Variants in NFATC1 observed in about 807,000 individuals in gnomAD.
NFATC1 encodes the protein nuclear factor of activated T cells 1, also known as nuclear factor of activated T-cells, cytoplasmic 1.
A neutral mutation model predicts 76.0 loss-of-function variants in NFATC1; 22 were observed. The ratio of observed to expected loss-of-function variants is 0.29; its 90% CI spans 0.21 to 0.41. The LOEUF (loss-of-function observed/expected upper bound fraction) is 0.41, where lower values mean the gene tolerates loss of function less well. NFATC1 is among the 10% of genes least tolerant of loss of function. NFATC1 has a pLI of 1.00. For synonymous variants in NFATC1, 704 were observed against 613.1 expected (o/e 1.15, Z -2.19); for missense variants, 1,357 against 1,337.7 (o/e 1.01, Z -0.23).
rs2085666330 is a variant in NFATC1, at chr18:79,411,258, G to A, written c.983G>A (p.Gly328Glu). The change falls in exon 2 of 10, where the codon GGA becomes GAA. Residue 328 changes from glycine to glutamate, a missense_variant. Coordinates refer to ENST00000427363, the MANE Select transcript of NFATC1 (RefSeq NM_001278669.2). The part of the protein sequence containing the change: ...ALTTDSSLDL[G>E]DGVPVKSRKT... ...ACCACCGACAGCAGCCTGGACCTGG[G>A]AGATGGCGTCCCTGTCAAGTCCCGC... The A allele has an allele frequency of 6.2e-7, 1 of 1,603,164 alleles. No homozygotes were observed. Among genetic ancestry groups the A allele is most frequent in the South Asian group, 1.1e-5 (1 of 91,064 alleles).
At chr18:79,427,704 G>GT (rs1568948725) in intron 2 of NFATC1, among the ~76,000 whole-genome samples, 2 of 100,176 alleles carry the variant, frequency 2.0e-5, no homozygotes, top group Non-Finnish European at 4.2e-5. Flanking sequence ...CTGTGCAGTG[G>GT]GTGGGGTTGG....
At chr18:79,420,523 G>A (rs562855531) in intron 2 of NFATC1, among the ~76,000 whole-genome samples, 2 of 151,540 alleles carry the variant, frequency 1.3e-5, no homozygotes, top group South Asian at 4.2e-4. Flanking sequence ...ATTTCCAGGC[G>A]AGGTCACTGC....
intron 8 of NFATC1, among the ~76,000 whole-genome samples, chr18:79,471,553 G>A (rs1349755957): frequency 1.3e-5 from 2 of 152,206 alleles, no homozygotes; most frequent in Non-Finnish European, 2.9e-5. Context: ...CTGAGCTGGG[G>A]ACACGGAGCT....
At position 79,479,839 on chromosome 18, in the gene NFATC1, G is replaced by T. The variant is rs539770756; in HGVS notation, c.2093-6409G>T. Among the ~76,000 whole-genome samples the T allele has an allele frequency of 2.4e-3, 372 of 152,378 alleles. 1 individual carries two copies. The highest frequency in any genetic ancestry group is 8.5e-3 in the African/African-American group (353 of 41,596). On this transcript the variant is annotated intron_variant, in intron 8 of 9. Transcript: ENST00000427363. The stretch of plus-strand genomic sequence containing the variant: ...AGGGCAAGGACAGGGAGATGGGGCA[G>T]TCGCCTGGGGAAGGCCCGGTCCCGG...
chr18:79,467,089 T>C (rs1362109103), intron 7 of NFATC1, among the ~76,000 whole-genome samples: 1 of 152,174 alleles, frequency 6.6e-6, no homozygotes, highest in East Asian at 1.9e-4. Context: ...AAGATTTCAG[T>C]CTTAGGTTGG....
rs757703183 is a variant in NFATC1, at chr18:79,410,103, C to T, written c.128-300C>T. 7 of 719,158 alleles carry T rather than the reference C, an allele frequency of 9.7e-6. No homozygotes were observed. The highest frequency in any genetic ancestry group is 7.0e-5 in the Admixed American group (4 of 57,302). 44.5% of individuals were successfully genotyped at this position (719,158 alleles called of 1,614,324 possible). ...TGGTTTTTGAATGAAGAGCGGAACCCGTGAGGACCCGGCCGCCTCTCCCTG... is the reference window on the plus strand; with the variant it reads ...TGGTTTTTGAATGAAGAGCGGAACCTGTGAGGACCCGGCCGCCTCTCCCTG... On this transcript the variant is annotated intron_variant, in intron 1 of 9. Transcript: ENST00000427363. This position sits in a 1 kb window ranked among gnomAD's most constrained non-coding sequence, Gnocchi z 6.7.
At chr18:79,519,564 T>C (rs1203387165) in intron 9 of NFATC1, among the ~76,000 whole-genome samples, 1 of 152,150 alleles carries the variant, frequency 6.6e-6, no homozygotes, top group East Asian at 1.9e-4. Flanking sequence ...GTCTTGAACT[T>C]TTGGCCTCAA....
intron 8 of NFATC1, among the ~76,000 whole-genome samples, chr18:79,472,975 A>G (rs909468503): frequency 1.9e-4 from 29 of 152,208 alleles, no homozygotes; most frequent in Admixed American, 1.6e-3. Context: ...CCCACACTCC[A>G]TGCCATGTCC....
intron 8 of NFATC1, among the ~76,000 whole-genome samples, chr18:79,476,766 T>C (rs544843048): frequency 1.3e-5 from 2 of 152,316 alleles, no homozygotes; most frequent in South Asian, 4.1e-4. Context: ...CCTGGACACA[T>C]GGCCAGGGTT....
intron 2 of NFATC1, among the ~76,000 whole-genome samples, chr18:79,426,016 G>A (rs150447097): frequency 1.5e-4 from 23 of 152,144 alleles, no homozygotes; most frequent in African/African-American, 4.1e-4. Flanking sequence ...GTTTGAGACC[G>A]CCCTGGGCAA....
At chr18:79,426,294 T>C (rs2086329761) in intron 2 of NFATC1, among the ~76,000 whole-genome samples, 1 of 138,124 alleles carries the variant, frequency 7.2e-6, no homozygotes. Context: ...GTCGCGAGCT[T>C]TCGGCTGAAA....
At chr18:79,521,075 GT>G in intron 9 of NFATC1, among the ~76,000 whole-genome samples, 1 of 112,830 alleles carries the variant, frequency 8.9e-6, no homozygotes. Context: ...CCATGTGTGT[GT>G]GGGGGCATCC....
chr18:79,419,187 CTAAT>C (rs1347459884), intron 2 of NFATC1, among the ~76,000 whole-genome samples: 2 of 152,102 alleles, frequency 1.3e-5, no homozygotes, highest in African/African-American at 4.8e-5. Flanking sequence ...CCACACCTGG[CTAAT>C]TGTTTAAGTT....
chr18:79,432,675 T>C (rs1568955085), intron 2 of NFATC1, among the ~76,000 whole-genome samples: 1 of 152,166 alleles, frequency 6.6e-6, no homozygotes, highest in Non-Finnish European at 1.5e-5. Flanking sequence ...AGGTGGTGCC[T>C]GCGTGGATGG....
At chr18:79,429,860 T>A (rs1005705593) in intron 2 of NFATC1, among the ~76,000 whole-genome samples, 1 of 152,206 alleles carries the variant, frequency 6.6e-6, no homozygotes, top group African/African-American at 2.4e-5. Context: ...CACCGCGGCG[T>A]CGGGTCAACG....
In NFATC1 at chr18:79,411,142, C is replaced by G. The variant is rs755428219; in HGVS notation, c.867C>G (p.Gly289=). 1.9e-6 allele frequency: 3 copies of G among 1,612,252 alleles called. No individual in the cohort carries two copies. The highest frequency in any genetic ancestry group is 2.7e-5 in the African/African-American group (2 of 74,902). Residue 289 remains glycine, a synonymous_variant, in exon 2 of 10, where the codon GGC becomes GGG. Transcript: ENST00000427363. Reference sequence around the variant, plus strand: ...ACTCGCCCACGCCGTCCCCGCACGGCTCCCCGCGGGTCAGCGTGACCGACG... The same window carrying G: ...ACTCGCCCACGCCGTCCCCGCACGGGTCCCCGCGGGTCAGCGTGACCGACG... ...PHHSPTPSPH[G]SPRVSVTDDS...
In NFATC1 at chr18:79,524,154, C is replaced by T. The variant is rs145996332; in HGVS notation, c.2783-3374C>T. On this transcript the variant is annotated intron_variant, in intron 9 of 9. Coordinates refer to ENST00000427363, the MANE Select transcript of NFATC1 (RefSeq NM_001278669.2). This position sits in a 1 kb window ranked among gnomAD's most constrained non-coding sequence, Gnocchi z 7.2. ...CCTCATGGGTCAGAAGTGCTCGTGG[C>T]GGGAAGGAGTTGGGGGGTGGGGGGG... 2 of 89,086 alleles carry T rather than the reference C, an allele frequency of 2.2e-5. No homozygotes were observed. Among genetic ancestry groups the T allele is most frequent in the East Asian group, 3.5e-4 (1 of 2,826 alleles). 5.5% of individuals were successfully genotyped at this position (89,086 alleles called of 1,614,324 possible).
chr18:79,474,008 ACT>A lies in NFATC1; in HGVS notation c.2092+6427_2092+6428del, dbSNP rs539468938. On this transcript the variant is annotated intron_variant, in intron 8 of 9. Coordinates refer to ENST00000427363, the MANE Select transcript of NFATC1 (RefSeq NM_001278669.2). The stretch of plus-strand genomic sequence containing the variant: ...TTGCGAGGGAAGCGTTTTCACACTC[ACT>A]GTCGACGTAAACCTGAGGGAAGCGT... Among the ~76,000 whole-genome samples, 36 of 126,792 alleles carry A rather than the reference ACT, an allele frequency of 2.8e-4. 2 individuals are homozygous for A. Among genetic ancestry groups the A allele is most frequent in the African/African-American group, 1.1e-3 (34 of 31,594 alleles). 83.2% of individuals were successfully genotyped at this position (126,792 alleles called of 152,430 possible). A position where few individuals can be genotyped will look rare whatever the true frequency, so the allele number is the denominator to read the frequency against.
Position 79,486,591 on chromosome 18 carries a change from C to T in NFATC1, c.2436C>T (p.Gly812=). The T allele has an allele frequency of 6.3e-7, 1 of 1,589,792 alleles. No homozygotes were observed. Among genetic ancestry groups the T allele is most frequent in the Non-Finnish European group, 8.5e-7 (1 of 1,172,728 alleles). ...DVPRPVATHP[G]SPGQPPPALL... ...CCAGGCCAGTGGCCACGCACCCCGGCTCGCCCGGGCAGCCACCCCCGGCCC... is the reference window on the plus strand; with the variant it reads ...CCAGGCCAGTGGCCACGCACCCCGGTTCGCCCGGGCAGCCACCCCCGGCCC... Residue 812 remains glycine, a synonymous_variant, in exon 9 of 10, where the codon GGC becomes GGT. Transcript: ENST00000427363.
Sources: allele counts gnomAD v4.1 joint callset (sites outside exome capture counted in the v4.1 genomes callset), GRCh38; gene constraint gnomAD v4.1.1; non-coding constraint Gnocchi (gnomAD v3.1); transcripts MANE v1.5; gene names NCBI Gene and HGNC (gene_info 2026-07-23, HGNC 2026-07-21).